The following DHDDS variants were observed in gnomAD, a reference collection of about 807,000 sequenced individuals.
The protein encoded by DHDDS is dehydrodolichyl diphosphate synthase subunit, also known as dehydrodolichyl diphosphate synthase complex subunit DHDDS.
Under a neutral mutation model 46.2 loss-of-function variants are expected in DHDDS, and 16 were observed. The ratio of observed to expected loss-of-function variants is 0.35; its 90% confidence interval spans 0.23 to 0.53. The LOEUF is 0.53. DHDDS is among the 20% of genes least tolerant of loss of function. The probability of loss-of-function intolerance (pLI) is 0.94; values close to 1 mark genes in which losing one functional copy is unlikely to be tolerated. For synonymous variants in DHDDS, 151 were observed against 163.1 expected, an observed-to-expected ratio of 0.93 and a Z score of 0.56; for missense variants, 340 against 423.7, an observed-to-expected ratio of 0.80 and a Z score of 1.73.
intron 3 of DHDDS, chr1:26,438,871 C>T (rs992691620): frequency 5.6e-5 from 9 of 159,684 alleles, no homozygotes; most frequent in East Asian, 1.8e-4. Context: ...GTATGCTCTA[C>T]GTGACTTAAC....
chr1:26,455,028 G>T, intron 6 of DHDDS: 1 of 1,263,122 alleles, frequency 7.9e-7, no homozygotes, highest in Non-Finnish European at 1.2e-6. Flanking sequence ...CACTGTTTCT[G>T]TAAAGTGACA....
Position 26,471,152 on chromosome 1 carries a change from T to C in DHDDS, c.*2021T>C, listed in dbSNP as rs972188541. ...TCGTGGTTGCTTTGGACAGGTGTGA[T>C]TTGTGCAAGCCAGGTTCAACCCTTG... On this transcript the variant is annotated 3_prime_UTR_variant, in exon 9 of 9. Transcript: ENST00000236342. 4 of 152,180 alleles carry C rather than the reference T, an allele frequency of 2.6e-5. No homozygotes were observed. The highest frequency in any genetic ancestry group is 5.9e-5 in the Non-Finnish European group (4 of 68,036). 9.4% of individuals were successfully genotyped at this position (152,180 alleles called of 1,614,324 possible).
At chr1:26,463,119 AATCAGGGGATGACGGG>A (rs2075441942) in intron 8 of DHDDS, among the ~76,000 whole-genome samples, 1 of 152,198 alleles carries the variant, frequency 6.6e-6, no homozygotes, top group East Asian at 1.9e-4. Context: ...GAAGGACTTT[AATCAGGGGATGACGGG>A]ATCTGAGTTG....
At chr1:26,453,808 G>A (rs535463106) in intron 6 of DHDDS, among the ~76,000 whole-genome samples, 47 of 152,202 alleles carry the variant, frequency 3.1e-4, no homozygotes, top group African/African-American at 6.3e-4. Flanking sequence ...ATATTTTACC[G>A]TTATTTAATG....
Position 26,446,359 on chromosome 1 carries a change from G to T in DHDDS, c.367G>T (p.Asp123Tyr), listed in dbSNP as rs140565871. ...KHGVCIRVLG[D>Y]LHLLPLDLQE... Reference sequence around the variant, plus strand: ...TGGGGTGTGTATCCGGGTCCTGGGCGATCTGCACTTGTTGCCCTTGGATCT... The same window carrying T: ...TGGGGTGTGTATCCGGGTCCTGGGCTATCTGCACTTGTTGCCCTTGGATCT... The change falls in exon 5 of 9, where the codon GAT becomes TAT. Residue 123 changes from aspartate (D) to tyrosine (Y), a missense_variant. By Grantham distance (160) the Asp-to-Tyr change is radical (BLOSUM62 -3). Transcript: ENST00000236342. 6.2e-7 allele frequency: 1 copy of T among 1,614,042 alleles called. No individual in the cohort carries two copies. Among genetic ancestry groups the T allele is most frequent in the Non-Finnish European group, 8.5e-7 (1 of 1,179,952 alleles).
At position 26,438,302 on chromosome 1, in the gene DHDDS, A is replaced by G. The variant is rs1331027048; in HGVS notation, c.180+18A>G. 1.9e-6 allele frequency: 3 copies of G among 1,607,660 alleles called. No homozygotes were observed. The African/African-American group carries it at 4.0e-5, about 21-fold the overall frequency. On this transcript the variant is annotated intron_variant, in intron 3 of 8. Coordinates refer to ENST00000236342, the MANE Select transcript of DHDDS (RefSeq NM_205861.3). ...TAGCTGAGGTGGGTGTGTATGGCAG[A>G]GCCCAAAGTGAACAGTCTGTGGAGA...
At chr1:26,437,165 T>C (rs2075168060) in intron 2 of DHDDS, among the ~76,000 whole-genome samples, 1 of 151,672 alleles carries the variant, frequency 6.6e-6, no homozygotes, top group African/African-American at 2.4e-5. Flanking sequence ...GCGAGACTCC[T>C]TCTCAAAAAA....
chr1:26,457,730 A>G, intron 6 of DHDDS, 61 bp from the exon 7 acceptor site: 2 of 1,303,604 alleles, frequency 1.5e-6, no homozygotes, highest in South Asian at 1.2e-5. Context: ...CCATGAGAAC[A>G]CTACAGAAAG....
At chr1:26,436,014 T>G (rs1277892801) in intron 2 of DHDDS, among the ~76,000 whole-genome samples, 2 of 151,276 alleles carry the variant, frequency 1.3e-5, no homozygotes, top group Admixed American at 1.3e-4. Flanking sequence ...CCTCCCAAAG[T>G]GCTGGGATTA....
At chr1:26,447,035 G>A (rs566690316) in intron 5 of DHDDS, among the ~76,000 whole-genome samples, 37 of 152,244 alleles carry the variant, frequency 2.4e-4, no homozygotes, top group African/African-American at 4.6e-4. Flanking sequence ...GGGTTAGGAC[G>A]GCAATAGGAG....
chr1:26,460,240 A>G (rs2075409122), intron 8 of DHDDS, 96 bp downstream of exon 8: 1 of 974,702 alleles, frequency 1.0e-6, no homozygotes, highest in Non-Finnish European at 1.7e-6. Flanking sequence ...GCACTTCCTA[A>G]TAAGATGATG....
At chr1:26,439,618 G>A (rs897978595) in intron 3 of DHDDS, among the ~76,000 whole-genome samples, 1 of 152,042 alleles carries the variant, frequency 6.6e-6, no homozygotes, top group Non-Finnish European at 1.5e-5. Flanking sequence ...ATTCTTAGAA[G>A]TGACATTTCT....
chr1:26,448,923 T>C (rs780816512), intron 6 of DHDDS, among the ~76,000 whole-genome samples: 5 of 152,112 alleles, frequency 3.3e-5, no homozygotes, highest in Non-Finnish European at 7.4e-5. Flanking sequence ...CCTAGGAAAC[T>C]AGATTAAAAA....
intron 4 of DHDDS, among the ~76,000 whole-genome samples, chr1:26,444,295 A>C (rs79463384): frequency 0.018 from 2,775 of 152,208 alleles, 79 homozygotes; most frequent in African/African-American, 0.064. Context: ...ACCTAGTGGG[A>C]ATGGGGTAGG....
chr1:26,454,549 C>T, intron 6 of DHDDS: 1 of 610,618 alleles, frequency 1.6e-6, no homozygotes, highest in Non-Finnish European at 2.9e-6. Context: ...TTGATTTGAC[C>T]CTCATGATAA....
chr1:26,447,704 C>T (rs754070431), intron 6 of DHDDS, 44 bp downstream of exon 6: 2 of 1,555,944 alleles, frequency 1.3e-6, no homozygotes, highest in South Asian at 2.2e-5. Context: ...GGAAAACAGG[C>T]CTGGGCCAGC....
chr1:26,443,744 A>G (rs940303066), intron 4 of DHDDS, among the ~76,000 whole-genome samples: 3 of 152,164 alleles, frequency 2.0e-5, no homozygotes, highest in African/African-American at 7.2e-5. Context: ...TCTGGGCTAC[A>G]GACATTGCTC....
chr1:26,457,005 T>C (rs1486742260), intron 6 of DHDDS, among the ~76,000 whole-genome samples: 2 of 152,300 alleles, frequency 1.3e-5, no homozygotes, highest in South Asian at 2.1e-4. Context: ...TACTGGGCCA[T>C]AGGATGTATG....
rs1198130816 is a variant in DHDDS at position 26,447,603 on chromosome 1, T to C, written c.485T>C (p.Ile162Thr). The change falls in exon 6 of 9, where the codon ATC (isoleucine) becomes ACC (threonine). Residue 162 changes from isoleucine (I) to threonine (T), a missense_variant. Around this residue, in one of 2 missense-constraint regions of DHDDS, gnomAD observed 268 missense variants for 300.3 expected, o/e 0.89. Coordinates refer to ENST00000236342, the MANE Select transcript of DHDDS (RefSeq NM_205861.3). ...TTTGCATACACATCCCGTCATGAGA[T>C]CAGCAATGCTGTGAGAGAGATGGCC... is the stretch of plus-strand genomic sequence containing the variant. ...VCFAYTSRHE[I>T]SNAVREMAWG... is the part of the protein sequence containing the mutation. The C allele has an allele frequency of 6.2e-7, 1 of 1,614,220 alleles. No individual in the cohort carries two copies. Among genetic ancestry groups the C allele is most frequent in the Non-Finnish European group, 8.5e-7 (1 of 1,180,038 alleles).
Sources: allele counts gnomAD v4.1 joint callset (sites outside exome capture counted in the v4.1 genomes callset), GRCh38; gene constraint gnomAD v4.1.1; regional missense constraint gnomAD v4.1.1; transcripts MANE v1.5; gene names NCBI Gene and HGNC (gene_info 2026-07-23, HGNC 2026-07-21).